The following MSL2 variants were observed in gnomAD, a reference collection of about 807,000 sequenced individuals.
MSL2 encodes the protein MSL complex subunit 2.
A neutral mutation model predicts 35.8 loss-of-function variants in MSL2; 2 were observed. The ratio of observed to expected loss-of-function variants is 0.06; its 90% CI spans 0.02 to 0.18. MSL2 has a LOEUF of 0.18. Ranked by LOEUF, MSL2 falls within the 10% of genes least tolerant of loss-of-function variation. MSL2 has a pLI of 1.00. For synonymous variants in MSL2, 296 were observed against 255.7 expected, an observed-to-expected ratio of 1.16 and a Z score of -1.50; for missense variants, 523 against 706.7, an observed-to-expected ratio of 0.74 and a Z score of 2.95.
At chr3:136,176,528 A>C (rs1158735619) in intron 1 of MSL2, among the ~76,000 whole-genome samples, 5 of 151,654 alleles carry the variant, frequency 3.3e-5, no homozygotes, top group East Asian at 3.9e-4. Flanking sequence ...AAAAAAAAAA[A>C]AAAAAAAAAA....
At chr3:136,182,069 T>G (rs1291293347) in intron 1 of MSL2, among the ~76,000 whole-genome samples, 1 of 152,192 alleles carries the variant, frequency 6.6e-6, no homozygotes, top group African/African-American at 2.4e-5. Context: ...TCACACAGTT[T>G]TAAGAACAAA....
rs1940830234 is a variant in MSL2 at position 136,195,883 on chromosome 3, C to T, written c.-770G>A. 2 of 922,114 alleles carry T rather than the reference C, an allele frequency of 2.2e-6. No homozygotes were observed. Among genetic ancestry groups the T allele is most frequent in the South Asian group, 1.0e-4 (2 of 20,032 alleles). The allele number at this position is 922,114 out of a possible 1,614,324, so 57.1% of individuals were successfully genotyped here. A position where few individuals can be genotyped will look rare whatever the true frequency, so the allele number is the denominator to read the frequency against. ...CCGGCGGGCGGGAGGGGGCGGGGGGCAAGCCCGGCCGGGCCGCGGCGGCGC... is the reference window on the plus strand; with the variant it reads ...CCGGCGGGCGGGAGGGGGCGGGGGGTAAGCCCGGCCGGGCCGCGGCGGCGC... On this transcript the variant is annotated 5_prime_UTR_variant, in exon 1 of 2. Coordinates refer to ENST00000309993, the MANE Select transcript of MSL2 (RefSeq NM_018133.4).
At chr3:136,184,036 C>T (rs541101663) in intron 1 of MSL2, among the ~76,000 whole-genome samples, 2 of 152,332 alleles carry the variant, frequency 1.3e-5, no homozygotes, top group South Asian at 4.1e-4. Context: ...TGGCTCATGC[C>T]TGTAATCGCA....
At chr3:136,189,552 T>C (rs991187275) in intron 1 of MSL2, among the ~76,000 whole-genome samples, 2 of 149,916 alleles carry the variant, frequency 1.3e-5, no homozygotes, top group African/African-American at 4.9e-5. Context: ...GTGAAACCCC[T>C]TGTCTACTAA....
chr3:136,151,007 C>A lies in MSL2; in HGVS notation c.*140G>T, dbSNP rs1465048612. 2 of 899,694 alleles carry A rather than the reference C, an allele frequency of 2.2e-6. No homozygotes were observed. Among genetic ancestry groups the A allele is most frequent in the Admixed American group, 4.7e-5 (2 of 42,766 alleles). 55.7% of individuals were successfully genotyped at this position (899,694 alleles called of 1,614,324 possible). ...CTGCAAACTATTTCCCCGACACTAACACATATAACTTAGCAATGAAAACAC... is the reference window on the plus strand; with the variant it reads ...CTGCAAACTATTTCCCCGACACTAAAACATATAACTTAGCAATGAAAACAC... On this transcript the variant is annotated 3_prime_UTR_variant, in exon 2 of 2. Transcript: ENST00000309993. The surrounding 1 kb of genome is among the most constrained non-coding windows in gnomAD (Gnocchi z 5.2).
chr3:136,191,628 C>G (rs963433782), intron 1 of MSL2, among the ~76,000 whole-genome samples: 3 of 152,090 alleles, frequency 2.0e-5, no homozygotes, highest in African/African-American at 7.2e-5. Flanking sequence ...AAAACTTTAG[C>G]TGGGCATGAT....
intron 1 of MSL2, among the ~76,000 whole-genome samples, chr3:136,162,729 AC>A (rs1939743256): frequency 6.6e-6 from 1 of 152,370 alleles, no homozygotes; most frequent in African/African-American, 2.4e-5. Flanking sequence ...CCAAAATGTT[AC>A]ATGAAATCTC....
At chr3:136,169,314 G>A (rs1456898874) in intron 1 of MSL2, among the ~76,000 whole-genome samples, 1 of 144,828 alleles carries the variant, frequency 6.9e-6, no homozygotes, top group African/African-American at 2.6e-5. Context: ...GGGTACACGT[G>A]ATATTCTGAC....
intron 1 of MSL2, among the ~76,000 whole-genome samples, chr3:136,170,458 C>CT (rs1939993232): frequency 6.7e-6 from 1 of 150,226 alleles, no homozygotes; most frequent in Non-Finnish European, 1.5e-5. Context: ...AAATATACTT[C>CT]ACAGCTTTCC....
Position 136,149,708 on chromosome 3 carries a change from G to T in MSL2, c.*1439C>A, listed in dbSNP as rs1939292292. The T allele has an allele frequency of 6.6e-6, 1 of 152,120 alleles. No homozygotes were observed. The highest frequency in any genetic ancestry group is 2.4e-5 in the African/African-American group (1 of 41,418). 9.4% of individuals were successfully genotyped at this position (152,120 alleles called of 1,614,324 possible). Reference sequence around the variant, plus strand: ...CAGAAGGAGGTGTCATCTGCTCTGTGTCCAAAGGTTTCTTCTCCATGTCTT... The same window carrying T: ...CAGAAGGAGGTGTCATCTGCTCTGTTTCCAAAGGTTTCTTCTCCATGTCTT... On this transcript the variant is annotated 3_prime_UTR_variant, in exon 2 of 2. Coordinates refer to ENST00000309993, the MANE Select transcript of MSL2 (RefSeq NM_018133.4).
intron 1 of MSL2, among the ~76,000 whole-genome samples, chr3:136,169,059 A>T (rs900274297): frequency 6.6e-6 from 1 of 152,156 alleles, no homozygotes; most frequent in South Asian, 2.1e-4. Context: ...AAGCAATGAC[A>T]AAACATTTTT....
chr3:136,152,247 G>A lies in MSL2; in HGVS notation c.634C>T (p.Pro212Ser), dbSNP rs2232005. The change falls in exon 2 of 2, where the codon CCT becomes TCT. Residue 212 changes from proline to serine, a missense_variant. Pro to Ser is a moderately conservative substitution (Grantham distance 74). Coordinates refer to ENST00000309993, the MANE Select transcript of MSL2 (RefSeq NM_018133.4). Reference protein sequence around the residue: ...IDRFGINIPSPEHSNTIDVCN... With the variant: ...IDRFGINIPSSEHSNTIDVCN... Reference sequence around the variant, plus strand: ...ACGTCAATCGTATTTGAATGTTCAGGTGAAGGAATATTTATACCAAATCTA... The same window carrying A: ...ACGTCAATCGTATTTGAATGTTCAGATGAAGGAATATTTATACCAAATCTA... The A allele has an allele frequency of 3.1e-6, 5 of 1,613,984 alleles. No individual in the cohort carries two copies. Among genetic ancestry groups the A allele is most frequent in the Non-Finnish European group, 4.2e-6 (5 of 1,179,974 alleles).
rs191504152 is a variant in MSL2 at position 136,153,741 on chromosome 3, G to C, written c.143-1003C>G. ...GGAAACTGAGGTAGCAGTGAGCTGA[G>C]ATCACACCACTGCAATCCAGCCTAA... On this transcript the variant is annotated intron_variant, in intron 1 of 1. Transcript: ENST00000309993. Among the ~76,000 whole-genome samples, 292 of 150,294 alleles carry C rather than the reference G, an allele frequency of 1.9e-3. 2 individuals carry two copies. Among genetic ancestry groups the C allele is most frequent in the African/African-American group, 6.8e-3 (277 of 40,718 alleles).
intron 1 of MSL2, among the ~76,000 whole-genome samples, chr3:136,157,598 T>C (rs554174455): frequency 6.6e-6 from 1 of 151,882 alleles, no homozygotes; most frequent in East Asian, 1.9e-4. Context: ...ACACCAAAAG[T>C]TGGTTGTTTT....
intron 1 of MSL2, among the ~76,000 whole-genome samples, chr3:136,156,384 C>T (rs1220684001): frequency 2.0e-5 from 3 of 152,256 alleles, no homozygotes; most frequent in Admixed American, 6.5e-5. Flanking sequence ...AAATGGGTTA[C>T]TTGACTGGTG....
At chr3:136,189,359 G>T (rs916340657) in intron 1 of MSL2, among the ~76,000 whole-genome samples, 6 of 142,322 alleles carry the variant, frequency 4.2e-5, no homozygotes, top group Non-Finnish European at 9.1e-5. Flanking sequence ...TAGCTGAATT[G>T]TATCTACCAA....
chr3:136,173,465 C>T (rs1308922162), intron 1 of MSL2, among the ~76,000 whole-genome samples: 2 of 152,256 alleles, frequency 1.3e-5, no homozygotes, highest in African/African-American at 2.4e-5. Context: ...GGTACTGACA[C>T]TATCATTCAT....
At chr3:136,160,899 C>T (rs1467288460) in intron 1 of MSL2, among the ~76,000 whole-genome samples, 7 of 151,904 alleles carry the variant, frequency 4.6e-5, no homozygotes, top group African/African-American at 1.2e-4. Flanking sequence ...CGATCCTGGC[C>T]GACACGGTGA....
chr3:136,151,855 T>C lies in MSL2; in HGVS notation c.1026A>G (p.Arg342=), dbSNP rs1454199101. 1 of 1,614,074 alleles carries C rather than the reference T, an allele frequency of 6.2e-7. No individual in the cohort carries two copies. The highest frequency in any genetic ancestry group is 8.5e-7 in the Non-Finnish European group (1 of 1,180,036). The change falls in exon 2 of 2, where the codon CGA becomes CGG. Residue 342 remains arginine, a synonymous_variant. Transcript: ENST00000309993. The surrounding 1 kb of genome is among the most constrained non-coding windows in gnomAD (Gnocchi z 5.2). ...TCTCACTGTCACTCTCTGATCTGGA[T>C]CGTTTTCTATTCAATTTTGCTATCT... ...TPKIAKLNRK[R]SRSESDSEKV... is the part of the protein sequence containing the mutation.
Sources: allele counts gnomAD v4.1 joint callset (sites outside exome capture counted in the v4.1 genomes callset), GRCh38; gene constraint gnomAD v4.1.1; non-coding constraint Gnocchi (gnomAD v3.1); transcripts MANE v1.5; gene names NCBI Gene and HGNC (gene_info 2026-07-23, HGNC 2026-07-21).